Variants in LTN1 observed in about 807,000 individuals in gnomAD.
The protein encoded by LTN1 is listerin E3 ubiquitin protein ligase 1.
LTN1 carries 88 observed loss-of-function variants against 201.2 expected under a neutral mutation model. The ratio of observed to expected loss-of-function variants is 0.44; its 90% CI spans 0.37 to 0.52. The LOEUF (loss-of-function observed/expected upper bound fraction) is 0.52. Among genes scored for constraint, LTN1 ranks in the 20% least tolerant of loss-of-function variants. The pLI is 0.00. For missense variants in LTN1, 1,752 were observed against 2,038.7 expected (o/e 0.86, Z 2.71); for synonymous variants, 645 against 713.5 (o/e 0.90, Z 1.53).
chr21:28,934,211 G>C (rs2084235752), intron 27 of LTN1, among the ~76,000 whole-genome samples: 1 of 152,254 alleles, frequency 6.6e-6, no homozygotes, highest in South Asian at 2.1e-4. Context: ...CAAGAATCTG[G>C]TCCTACTAAA....
At chr21:28,932,306 G>C (rs1035329088) in intron 28 of LTN1, among the ~76,000 whole-genome samples, 164 bp downstream of exon 28, 1 of 152,186 alleles carries the variant, frequency 6.6e-6, no homozygotes. Context: ...AATTAAAACA[G>C]AAAGGCAGGT....
intron 27 of LTN1, among the ~76,000 whole-genome samples, chr21:28,932,979 C>G (rs2084223439): frequency 6.6e-6 from 1 of 152,152 alleles, no homozygotes; most frequent in Non-Finnish European, 1.5e-5. Flanking sequence ...GGTTATTATG[C>G]TTCTCTTCCA....
chr21:28,985,027 T>C (rs1418278611), intron 3 of LTN1, 105 bp from the exon 4 acceptor site: 4 of 694,364 alleles, frequency 5.8e-6, no homozygotes, highest in Non-Finnish European at 9.5e-6. Context: ...TTCACCTATG[T>C]ATTAAGCTAA....
chr21:28,969,963 G>A (rs2084560015), intron 8 of LTN1, among the ~76,000 whole-genome samples: 2 of 151,780 alleles, frequency 1.3e-5, no homozygotes, highest in Non-Finnish European at 2.9e-5. Context: ...CAGCTGTGAG[G>A]CACCACGCCT....
intron 18 of LTN1, among the ~76,000 whole-genome samples, chr21:28,947,890 T>TAAAAAA (rs35151968): frequency 1.4e-5 from 2 of 144,326 alleles, no homozygotes; most frequent in Non-Finnish European, 3.0e-5. Flanking sequence ...TGTCCTCTTT[T>TAAAAAA]AAAAAAAAAA....
Position 28,966,698 on chromosome 21 carries a change from G to A in LTN1, c.1793C>T (p.Ala598Val). Reference protein sequence around the residue: ...KPLEDLVCKLADISINYVNER... With the variant: ...KPLEDLVCKLVDISINYVNER... ...ATTGACATAATTAATACTTATATCT[G>A]CGAGTTTACAGACTAAGTCTTCCAA... The change falls in exon 10 of 30, where the codon GCA becomes GTA. Residue 598 changes from alanine to valine, a missense_variant. Transcript: ENST00000361371. 6.2e-7 allele frequency: 1 copy of A among 1,613,920 alleles called. No individual in the cohort carries two copies. The highest frequency in any genetic ancestry group is 1.1e-5 in the South Asian group (1 of 91,052).
chr21:28,981,161 T>G lies in LTN1; in HGVS notation c.768A>C (p.Ser256=). ...SLEEKFKSLL[S]QNKFWKYGKH... Reference sequence around the variant, plus strand: ...TTCCATACTTCCAAAACTTATTCTGTGATAAAAGAGACTTAAATTTCTCCT... The same window carrying G: ...TTCCATACTTCCAAAACTTATTCTGGGATAAAAGAGACTTAAATTTCTCCT... Residue 256 remains serine, a synonymous_variant, in exon 6 of 30, where the codon TCA becomes TCC. Transcript: ENST00000361371. 1 of 1,589,828 alleles carries G rather than the reference T, an allele frequency of 6.3e-7. No homozygotes were observed. Among genetic ancestry groups the G allele is most frequent in the Non-Finnish European group, 8.5e-7 (1 of 1,173,230 alleles).
chr21:28,984,884 A>C lies in LTN1; in HGVS notation c.384T>G (p.Ala128=), dbSNP rs1239559864. The change falls in exon 4 of 30, where the codon GCT becomes GCG. Residue 128 remains alanine (A), a synonymous_variant. Transcript: ENST00000361371. ...TTACTTTAAGGATAAGTTTTTCAAAAGCTTGTTGTGTGGCTTCTCGGACGC... is the reference window on the plus strand; with the variant it reads ...TTACTTTAAGGATAAGTTTTTCAAACGCTTGTTGTGTGGCTTCTCGGACGC... ...DRRVREATQQ[A]FEKLILKVKK... is the part of the protein sequence containing the mutation. 6.8e-6 allele frequency: 11 copies of C among 1,613,940 alleles called. No individual in the cohort carries two copies. Among genetic ancestry groups the C allele is most frequent in the Non-Finnish European group, 6.8e-6 (8 of 1,179,978 alleles).
At chr21:28,963,452 T>A (rs1405585078) in intron 11 of LTN1, among the ~76,000 whole-genome samples, 1 of 152,188 alleles carries the variant, frequency 6.6e-6, no homozygotes, top group East Asian at 1.9e-4. Flanking sequence ...TATAGCGTGG[T>A]TTATTCAATA....
intron 20 of LTN1, 49 bp from the exon 21 acceptor site, chr21:28,946,000 CAATTAG>C: frequency 6.6e-7 from 1 of 1,521,986 alleles, no homozygotes; most frequent in Non-Finnish European, 9.0e-7. Context: ...TATTGACATT[CAATTAG>C]AAAGTATGCT....
rs1321290276 is a variant in LTN1, at chr21:28,970,576, T to C, written c.1151A>G (p.Asn384Ser). Reference protein sequence around the residue: ...ITNPKLDFFKNFLTSLVAGLS... With the variant: ...ITNPKLDFFKSFLTSLVAGLS... ...CCCAGCAACTAGAGACGTGAGGAAA[T>C]TTTTGAAGAAATCCAACTTTGGATT... Residue 384 changes from asparagine (N) to serine (S), a missense_variant, in exon 8 of 30, where the codon AAT becomes AGT. Asn to Ser is a conservative substitution (Grantham distance 46). This residue lies in a region of LTN1 where 1,211 missense variants were observed against 1,312.8 expected (regional missense o/e 0.92). Transcript: ENST00000361371. 24 of 1,612,674 alleles carry C rather than the reference T, an allele frequency of 1.5e-5. No individual in the cohort carries two copies. Among genetic ancestry groups the C allele is most frequent in the Non-Finnish European group, 1.9e-5 (23 of 1,179,594 alleles).
At chr21:28,946,546 G>A (rs936832513) in intron 19 of LTN1, among the ~76,000 whole-genome samples, 4 of 152,144 alleles carry the variant, frequency 2.6e-5, no homozygotes, top group Non-Finnish European at 5.9e-5. Context: ...AATTTAAACT[G>A]ACTTATGCTG....
At chr21:28,988,837 T>C (rs1193918141) in intron 1 of LTN1, among the ~76,000 whole-genome samples, 2 of 151,986 alleles carry the variant, frequency 1.3e-5, no homozygotes, top group African/African-American at 4.8e-5. Context: ...TGGTGGCACA[T>C]GCCTTTAATC....
intron 1 of LTN1, among the ~76,000 whole-genome samples, chr21:28,989,680 G>A (rs952461629): frequency 9.2e-5 from 14 of 152,060 alleles, no homozygotes; most frequent in South Asian, 6.2e-4. Flanking sequence ...AAATTATGCT[G>A]CCATCATTCA....
At chr21:28,969,403 C>A in intron 9 of LTN1, 63 bp downstream of exon 9, 2 of 1,395,292 alleles carry the variant, frequency 1.4e-6, no homozygotes, top group Non-Finnish European at 1.9e-6. Context: ...CAACAAGACA[C>A]AATGAGCTTG....
chr21:28,988,169 A>AAAC (rs375522561), intron 1 of LTN1, among the ~76,000 whole-genome samples: 41 of 136,972 alleles, frequency 3.0e-4, no homozygotes, highest in South Asian at 6.9e-4. Flanking sequence ...ACAAAAAAAA[A>AAAC]CAAATTGCTC....
chr21:28,978,474 G>A (rs1263407177), intron 6 of LTN1, among the ~76,000 whole-genome samples: 1 of 152,148 alleles, frequency 6.6e-6, no homozygotes, highest in African/African-American at 2.4e-5. Flanking sequence ...AACACCAAAT[G>A]AAAAGGTAGA....
At position 28,986,857 on chromosome 21, in the gene LTN1, T is replaced by C. The variant is rs753088513; in HGVS notation, c.120A>G (p.Thr40=). ...GAACATAGCCTAGGTCACTCTGAGATGTTCCAAAACCAATAAATCCAGGCA... is the reference window on the plus strand; with the variant it reads ...GAACATAGCCTAGGTCACTCTGAGACGTTCCAAAACCAATAAATCCAGGCA... ...GTVPGFIGFG[T]SQSDLGYVPA... Residue 40 remains threonine, a synonymous_variant, in exon 2 of 30, where the codon ACA becomes ACG. Coordinates refer to ENST00000361371, the MANE Select transcript of LTN1 (RefSeq NM_015565.3). The surrounding 1 kb of genome is among the most constrained non-coding windows in gnomAD (Gnocchi z 4.1). 11 of 1,614,124 alleles carry C rather than the reference T, an allele frequency of 6.8e-6. 1 individual carries two copies. In the South Asian group the frequency reaches 9.9e-5, roughly 14 times the overall value.
chr21:28,931,048 G>T, intron 29 of LTN1, 107 bp downstream of exon 29: 3 of 667,614 alleles, frequency 4.5e-6, no homozygotes, highest in East Asian at 3.0e-5. Flanking sequence ...TTTCTCTTCC[G>T]AAGTTAGACA....
Sources: gnomAD v4.1 joint callset for allele counts (sites outside exome capture counted in the v4.1 genomes callset) on GRCh38, gnomAD v4.1.1 for gene constraint, gnomAD v4.1.1 regional missense constraint, Gnocchi (gnomAD v3.1) non-coding constraint, MANE v1.5 for transcripts, NCBI Gene and HGNC (gene_info 2026-07-23, HGNC 2026-07-21) for gene names.